C20orf203: variants seen among roughly 807,000 people sequenced by gnomAD.
C20orf203 encodes the protein uncharacterized protein C20orf203.
In C20orf203, 16 loss-of-function variants were observed where a neutral mutation model predicts 15.9. The observed-to-expected ratio is 1.01, with a 90% CI of 0.68 to 1.53. The LOEUF (loss-of-function observed/expected upper bound fraction) is 1.53, where lower values mean the gene tolerates loss of function less well. C20orf203 is among the 40% of genes most tolerant of loss of function. C20orf203 has a pLI of 0.00. For missense variants in C20orf203, 263 were observed against 247.5 expected (o/e 1.06, Z -0.42); for synonymous variants, 98 against 97.2 (o/e 1.01, Z -0.05).
intron 1 of C20orf203, among the ~76,000 whole-genome samples, chr20:32,662,226 T>G (rs182367270): frequency 6.6e-6 from 1 of 152,334 alleles, no homozygotes; most frequent in African/African-American, 2.4e-5. Context: ...TGGGGGCTTG[T>G]TCTAAATGCT....
intron 1 of C20orf203, among the ~76,000 whole-genome samples, chr20:32,672,276 T>C (rs971958507): frequency 2.0e-5 from 3 of 151,260 alleles, no homozygotes; most frequent in Non-Finnish European, 2.9e-5. Context: ...GAGATGGAGG[T>C]TGCAGTGAGC....
At chr20:32,666,155 T>TAAAAAAAAAAAAAAAAAAAAAAATAA (rs147487671) in intron 1 of C20orf203, among the ~76,000 whole-genome samples, 1 of 102,776 alleles carries the variant, frequency 9.7e-6, no homozygotes. Context: ...ATAAATAAAG[T>TAAAAAAAAAAAAAAAAAAAAAAATAA]AAAAAAAAAA....
At chr20:32,667,673 A>G (rs1983066874) in intron 1 of C20orf203, among the ~76,000 whole-genome samples, 1 of 152,044 alleles carries the variant, frequency 6.6e-6, no homozygotes, top group Non-Finnish European at 1.5e-5. Context: ...TCTGAGCAAG[A>G]AATCTTTTAT....
At chr20:32,653,119 C>T (rs1343874460) in intron 1 of C20orf203, among the ~76,000 whole-genome samples, 1 of 152,124 alleles carries the variant, frequency 6.6e-6, no homozygotes, top group African/African-American at 2.4e-5. Flanking sequence ...CTCCTCTGGG[C>T]AGTGGTGGAT....
Position 32,650,785 on chromosome 20 carries a change from G to A in C20orf203, c.232C>T (p.Pro78Ser). The A allele has an allele frequency of 1.3e-6, 2 of 1,507,840 alleles. No homozygotes were observed. The highest frequency in any genetic ancestry group is 1.8e-6 in the Non-Finnish European group (2 of 1,125,930). 93.4% of individuals were successfully genotyped at this position (1,507,840 alleles called of 1,614,324 possible). ...TSKAQRVHPQPSHQRQPPPPQ... is the reference protein window; with the variant it reads ...TSKAQRVHPQSSHQRQPPPPQ... ...GGAGGAGGCTGGCGCTGGTGGCTGGGCTGGGGGTGGACTCGCTGAGCCTTT... is the reference window on the plus strand; with the variant it reads ...GGAGGAGGCTGGCGCTGGTGGCTGGACTGGGGGTGGACTCGCTGAGCCTTT... Residue 78 changes from proline (P) to serine (S), a missense_variant, in exon 4 of 6, where the codon CCC (proline) becomes TCC (serine). Pro to Ser is a moderately conservative substitution (Grantham distance 74). Coordinates refer to ENST00000608990, the MANE Select transcript of C20orf203 (RefSeq NM_182584.4).
intron 5 of C20orf203, among the ~76,000 whole-genome samples, chr20:32,634,642 G>A (rs937518125): frequency 1.3e-5 from 2 of 152,148 alleles, no homozygotes; most frequent in African/African-American, 4.8e-5. Flanking sequence ...CCACGAGAAG[G>A]GGCCACACTT....
At chr20:32,642,183 T>G (rs1217605486) in intron 4 of C20orf203, among the ~76,000 whole-genome samples, 1 of 152,198 alleles carries the variant, frequency 6.6e-6, no homozygotes, top group Non-Finnish European at 1.5e-5. Context: ...TTGTTGGAAG[T>G]AGCATTTAGA....
intron 1 of C20orf203, among the ~76,000 whole-genome samples, chr20:32,672,019 C>G (rs1384122415): frequency 6.6e-6 from 1 of 151,334 alleles, no homozygotes; most frequent in Non-Finnish European, 1.5e-5. Flanking sequence ...GTAGCGTGCA[C>G]TTAAAAATTT....
chr20:32,660,333 C>T (rs1239804195), intron 1 of C20orf203, among the ~76,000 whole-genome samples: 1 of 152,200 alleles, frequency 6.6e-6, no homozygotes, highest in Non-Finnish European at 1.5e-5. Context: ...GTGCCAGGAA[C>T]AGCAACCAGG....
chr20:32,654,648 G>A (rs888903593), intron 1 of C20orf203, among the ~76,000 whole-genome samples: 2 of 152,040 alleles, frequency 1.3e-5, no homozygotes, highest in African/African-American at 4.8e-5. Context: ...TTTGAGACCA[G>A]CCTGGGTGAT....
chr20:32,653,962 G>T (rs975831967), intron 1 of C20orf203, among the ~76,000 whole-genome samples: 1 of 151,852 alleles, frequency 6.6e-6, no homozygotes, highest in East Asian at 1.9e-4. Context: ...GCGTGGTGGT[G>T]TGTGCCTGTA....
Position 32,632,043 on chromosome 20 carries a change from G to A in C20orf203, c.*3527C>T, listed in dbSNP as rs1214684531. ...GCAGGACTTCAGAATTGGCCAGAGG[G>A]CGACCTGAGACATGCAGGCAGAGAA... is the stretch of plus-strand genomic sequence containing the variant. On this transcript the variant is annotated 3_prime_UTR_variant, in exon 6 of 6. Transcript: ENST00000608990. 1 of 152,320 alleles carries A rather than the reference G, an allele frequency of 6.6e-6. No homozygotes were observed. 9.4% of individuals were successfully genotyped at this position (152,320 alleles called of 1,614,324 possible).
At position 32,650,260 on chromosome 20, in the gene C20orf203, C is replaced by T; in HGVS notation, c.*172G>A. 3.3e-6 allele frequency: 2 copies of T among 608,634 alleles called. No individual in the cohort carries two copies. Among genetic ancestry groups the T allele is most frequent in the East Asian group, 2.8e-5 (1 of 36,144 alleles). The allele number at this position is 608,634 out of a possible 1,614,324, so 37.7% of individuals were successfully genotyped here. A position where few individuals can be genotyped will look rare whatever the true frequency, so the allele number is the denominator to read the frequency against. On this transcript the variant is annotated 3_prime_UTR_variant, in exon 4 of 6. Coordinates refer to ENST00000608990, the MANE Select transcript of C20orf203 (RefSeq NM_182584.4). Reference sequence around the variant, plus strand: ...TCATGTTTGCTGAATGCCTTGAATACAAGCGCCGGTGCCCAGAATCTCCTT... The same window carrying T: ...TCATGTTTGCTGAATGCCTTGAATATAAGCGCCGGTGCCCAGAATCTCCTT...
At chr20:32,652,892 G>C (rs1482124869) in intron 1 of C20orf203, among the ~76,000 whole-genome samples, 1 of 152,178 alleles carries the variant, frequency 6.6e-6, no homozygotes, top group Admixed American at 6.5e-5. Context: ...ACCCAAAGCG[G>C]GCAGGGTGAG....
rs1982561494 is a variant in C20orf203 at position 32,650,087 on chromosome 20, C to T, written c.*345G>A. On this transcript the variant is annotated 3_prime_UTR_variant, in exon 4 of 6. Coordinates refer to ENST00000608990, the MANE Select transcript of C20orf203 (RefSeq NM_182584.4). ...ACACACAGGAGTACTGCAGCCTCCT[C>T]CCAGCACTCAGGGACCAAGCCAGAG... 1 of 269,468 alleles carries T rather than the reference C, an allele frequency of 3.7e-6. No individual in the cohort carries two copies. Among genetic ancestry groups the T allele is most frequent in the African/African-American group, 2.2e-5 (1 of 46,110 alleles). The allele number at this position is 269,468 out of a possible 1,614,324, so 16.7% of individuals were successfully genotyped here. A position where few individuals can be genotyped will look rare whatever the true frequency, so the allele number is the denominator to read the frequency against.
chr20:32,645,215 T>C (rs1017500069), intron 4 of C20orf203, among the ~76,000 whole-genome samples: 1 of 152,170 alleles, frequency 6.6e-6, no homozygotes, highest in African/African-American at 2.4e-5. Flanking sequence ...ACTCTGATCA[T>C]CTGTTCAGGG....
intron 1 of C20orf203, among the ~76,000 whole-genome samples, chr20:32,656,416 A>C (rs916480652): frequency 2.0e-5 from 3 of 152,228 alleles, no homozygotes; most frequent in African/African-American, 7.2e-5. Flanking sequence ...GAATATGGAG[A>C]AATCAGAACC....
At chr20:32,637,950 G>A (rs6141328) in intron 5 of C20orf203, among the ~76,000 whole-genome samples, 28,537 of 152,014 alleles carry the variant, frequency 0.19, 3,477 homozygotes, top group East Asian at 0.52. Context: ...ATGTATGGGC[G>A]TGTGTGTGCG....
intron 1 of C20orf203, among the ~76,000 whole-genome samples, chr20:32,665,075 T>C (rs1982986878): frequency 6.6e-6 from 1 of 152,188 alleles, no homozygotes; most frequent in East Asian, 1.9e-4. Context: ...GCCAAGTAAG[T>C]TCCCCTGATG....
Sources: allele counts gnomAD v4.1 joint callset (sites outside exome capture counted in the v4.1 genomes callset), GRCh38; gene constraint gnomAD v4.1.1; transcripts MANE v1.5; gene names NCBI Gene and HGNC (gene_info 2026-07-23, HGNC 2026-07-21).